Variants in CDK14 observed in about 807,000 individuals in gnomAD.
The protein encoded by CDK14 is cyclin-dependent kinase 14.
In CDK14, 34 loss-of-function variants were observed where a neutral mutation model predicts 60.7. The observed-to-expected ratio is 0.56, with a 90% CI of 0.43 to 0.75. CDK14 has a LOEUF of 0.75. Among genes scored for constraint, CDK14 ranks in the 30% least tolerant of loss-of-function variants. CDK14 has a pLI of 0.00. For missense variants in CDK14, 482 were observed against 564.1 expected (o/e 0.85, Z 1.47); for synonymous variants, 197 against 203.7 (o/e 0.97, Z 0.28).
chr7:91,043,860 A>G (rs930852358), intron 10 of CDK14, among the ~76,000 whole-genome samples: 8 of 152,218 alleles, frequency 5.3e-5, no homozygotes, highest in African/African-American at 1.9e-4. Context: ...CCAGAGTAGG[A>G]AGCAGGGAGT....
intron 12 of CDK14, among the ~76,000 whole-genome samples, chr7:91,109,761 G>A (rs899045578): frequency 6.6e-6 from 1 of 151,958 alleles, no homozygotes; most frequent in African/African-American, 2.4e-5. Flanking sequence ...GTAACAAAAG[G>A]TATGGCAGGC....
intron 3 of CDK14, among the ~76,000 whole-genome samples, chr7:90,743,102 T>C (rs938998345): frequency 7.9e-5 from 12 of 152,164 alleles, no homozygotes; most frequent in African/African-American, 2.9e-4. Flanking sequence ...TGTGGCATCA[T>C]GCTGATGTTA....
At chr7:91,027,788 TC>T (rs1457068567) in intron 10 of CDK14, among the ~76,000 whole-genome samples, 1 of 3,392 alleles carries the variant, frequency 2.9e-4, no homozygotes, top group South Asian at 0.016. Flanking sequence ...TCCCCTCCCC[TC>T]CCCTCCCCTC....
At chr7:90,728,556 A>G (rs2116718552) in intron 3 of CDK14, among the ~76,000 whole-genome samples, 1 of 152,212 alleles carries the variant, frequency 6.6e-6, no homozygotes, top group African/African-American at 2.4e-5. Flanking sequence ...TGAATAACAT[A>G]TCACTTCATA....
intron 2 of CDK14, among the ~76,000 whole-genome samples, chr7:90,610,442 CT>C (rs1209040991): frequency 6.6e-6 from 1 of 152,338 alleles, no homozygotes; most frequent in East Asian, 1.9e-4. Flanking sequence ...TTCACTCCCC[CT>C]AAGCCTTCTT....
chr7:91,121,432 A>G (rs1443690138), intron 14 of CDK14, among the ~76,000 whole-genome samples: 2 of 152,186 alleles, frequency 1.3e-5, no homozygotes, highest in Admixed American at 6.5e-5. Context: ...TGTCTTTGAA[A>G]TGGTAGAGGA....
At chr7:90,685,937 T>TTG (rs1801425717) in intron 2 of CDK14, among the ~76,000 whole-genome samples, 1 of 152,088 alleles carries the variant, frequency 6.6e-6, no homozygotes, top group Non-Finnish European at 1.5e-5. Context: ...ATGTTTCTTT[T>TTG]TGTTGATATT....
At chr7:91,104,574 A>G (rs1799232871) in intron 12 of CDK14, among the ~76,000 whole-genome samples, 1 of 152,148 alleles carries the variant, frequency 6.6e-6, no homozygotes, top group South Asian at 2.1e-4. Context: ...ATCCAAAAAG[A>G]TTGTCCAGTT....
chr7:91,081,535 T>G (rs1798483853), intron 12 of CDK14, among the ~76,000 whole-genome samples: 1 of 152,182 alleles, frequency 6.6e-6, no homozygotes, highest in Admixed American at 6.6e-5. Context: ...CTGTTCAAAA[T>G]TAAGTAACAA....
intron 14 of CDK14, among the ~76,000 whole-genome samples, chr7:91,199,814 G>A (rs993096933): frequency 2.6e-5 from 4 of 152,164 alleles, no homozygotes; most frequent in Admixed American, 6.5e-5. Context: ...CAACTTAAAG[G>A]ATTTGGGCTA....
chr7:90,815,382 C>T (rs1209694347), intron 5 of CDK14, among the ~76,000 whole-genome samples: 1 of 152,122 alleles, frequency 6.6e-6, no homozygotes, highest in Non-Finnish European at 1.5e-5. Context: ...CATCTCATGC[C>T]AGTTAGAATG....
At chr7:90,768,676 A>G (rs1465657511) in intron 4 of CDK14, among the ~76,000 whole-genome samples, 1 of 152,184 alleles carries the variant, frequency 6.6e-6, no homozygotes, top group African/African-American at 2.4e-5. Flanking sequence ...TTTATAGTAT[A>G]CCGATTGGAT....
At chr7:91,085,126 G>A (rs1300071733) in intron 12 of CDK14, among the ~76,000 whole-genome samples, 1 of 152,172 alleles carries the variant, frequency 6.6e-6, no homozygotes, top group Non-Finnish European at 1.5e-5. Context: ...GTACAAACAT[G>A]TTACCTTACA....
At chr7:91,076,933 C>A (rs1437307368) in intron 11 of CDK14, among the ~76,000 whole-genome samples, 1 of 152,132 alleles carries the variant, frequency 6.6e-6, no homozygotes, top group African/African-American at 2.4e-5. Context: ...AATTGCAAAT[C>A]AAAACCATAA....
At chr7:90,748,244 T>A (rs762241926) in intron 4 of CDK14, among the ~76,000 whole-genome samples, 20 of 152,318 alleles carry the variant, frequency 1.3e-4, no homozygotes, top group Admixed American at 4.6e-4. Context: ...TTTCTTCCTG[T>A]CTGCTTTGGC....
At chr7:90,906,919 G>A (rs1792726572) in intron 7 of CDK14, among the ~76,000 whole-genome samples, 1 of 152,012 alleles carries the variant, frequency 6.6e-6, no homozygotes, top group Non-Finnish European at 1.5e-5. Flanking sequence ...AAAAGCCAGT[G>A]TTAACTAAAT....
chr7:90,994,950 C>G (rs990884404), intron 10 of CDK14, among the ~76,000 whole-genome samples: 4 of 152,204 alleles, frequency 2.6e-5, no homozygotes, highest in Non-Finnish European at 4.4e-5. Flanking sequence ...TTGCAGAATA[C>G]TTCCCCACGT....
chr7:91,082,075 C>G (rs1014936931), intron 12 of CDK14, among the ~76,000 whole-genome samples: 1 of 152,116 alleles, frequency 6.6e-6, no homozygotes, highest in South Asian at 2.1e-4. Flanking sequence ...TGCAGTTATA[C>G]TCTCCCTATT....
At chr7:90,990,224 G>A (rs1430547926) in intron 10 of CDK14, among the ~76,000 whole-genome samples, 1 of 152,144 alleles carries the variant, frequency 6.6e-6, no homozygotes, top group Admixed American at 6.5e-5. Context: ...GCTGCAGTGA[G>A]CTATGATTGT....
Sources: allele counts gnomAD v4.1 joint callset (sites outside exome capture counted in the v4.1 genomes callset), GRCh38; gene constraint gnomAD v4.1.1; transcripts MANE v1.5; gene names NCBI Gene and HGNC (gene_info 2026-07-23, HGNC 2026-07-21).